The following PATJ variants were observed in gnomAD, a reference collection of about 807,000 sequenced individuals.
The protein encoded by PATJ is PATJ crumbs cell polarity complex component, also known as inaD-like protein.
Under a neutral mutation model 224.9 loss-of-function variants are expected in PATJ, and 190 were observed. The ratio of observed to expected loss-of-function variants is 0.84; its 90% confidence interval spans 0.75 to 0.95. PATJ has a LOEUF of 0.95. Ranked by LOEUF, PATJ falls within the 40% of genes least tolerant of loss-of-function variation. The pLI is 0.00. For synonymous variants in PATJ, 769 were observed against 820.3 expected, an observed-to-expected ratio of 0.94 and a Z score of 1.07; for missense variants, 2,121 against 2,270.3, an observed-to-expected ratio of 0.93 and a Z score of 1.34.
chr1:61,889,222 T>C (rs895846451), intron 22 of PATJ, among the ~76,000 whole-genome samples: 2 of 152,222 alleles, frequency 1.3e-5, no homozygotes, highest in African/African-American at 2.4e-5. Flanking sequence ...TCTACGTGCG[T>C]GTGAGTGCAC....
At chr1:61,822,630 A>G (rs1002908659) in intron 14 of PATJ, among the ~76,000 whole-genome samples, 2 of 152,202 alleles carry the variant, frequency 1.3e-5, no homozygotes, top group Non-Finnish European at 2.9e-5. Context: ...GGAGTCCCAT[A>G]GAAAAGTGAA....
chr1:62,106,156 GTGTATATATATATATATATATA>G (rs1662990032), intron 33 of PATJ, among the ~76,000 whole-genome samples: 2 of 54,870 alleles, frequency 3.6e-5, no homozygotes, highest in South Asian at 1.6e-3. Context: ...GTGTGTGTGT[GTGTATATATATATATATATATA>G]TATATATATG....
intron 27 of PATJ, among the ~76,000 whole-genome samples, chr1:61,931,143 G>C (rs1211093911): frequency 6.6e-6 from 1 of 152,194 alleles, no homozygotes; most frequent in African/African-American, 2.4e-5. Flanking sequence ...AGCATGTTAA[G>C]AGCTGGCTTT....
At chr1:61,842,958 T>A (rs1372648544) in intron 17 of PATJ, among the ~76,000 whole-genome samples, 1 of 152,130 alleles carries the variant, frequency 6.6e-6, no homozygotes, top group Non-Finnish European at 1.5e-5. Context: ...TTGAATCAGA[T>A]TAACAAGTAG....
Position 61,908,520 on chromosome 1 carries a change from ACT to A in PATJ, c.3492+41_3492+42del, listed in dbSNP as rs778570410. ...TCATATTTTCAAAAAGTTTAACAAC[ACT>A]CTGTATACCTGCAGACCAAGCTTTG... On this transcript the variant is annotated intron_variant, in intron 25 of 43. Transcript: ENST00000642238. 5 of 1,291,608 alleles carry A rather than the reference ACT, an allele frequency of 3.9e-6. No individual in the cohort carries two copies. The South Asian group carries it at 6.0e-5, about 15-fold the overall frequency. 80.0% of individuals were successfully genotyped at this position (1,291,608 alleles called of 1,614,324 possible).
intron 27 of PATJ, chr1:61,952,311 G>T: frequency 1.5e-6 from 1 of 666,446 alleles, no homozygotes; most frequent in Non-Finnish European, 2.8e-6. Flanking sequence ...GAAGAGAGAG[G>T]AGTCTGTGGT....
At chr1:61,963,170 T>C (rs1182462140) in intron 27 of PATJ, among the ~76,000 whole-genome samples, 1 of 152,202 alleles carries the variant, frequency 6.6e-6, no homozygotes, top group Admixed American at 6.5e-5. Flanking sequence ...CATATAACTT[T>C]TAAATCTCCC....
chr1:62,158,539 A>G (rs911669306), intron 43 of PATJ, among the ~76,000 whole-genome samples: 1 of 148,302 alleles, frequency 6.7e-6, no homozygotes, highest in African/African-American at 2.4e-5. Flanking sequence ...CTAACACGGT[A>G]AAAAACTCCG....
chr1:62,098,531 G>C (rs1460203374), intron 33 of PATJ, among the ~76,000 whole-genome samples: 2 of 151,824 alleles, frequency 1.3e-5, no homozygotes, highest in Non-Finnish European at 2.9e-5. Context: ...GGAGGTGGAG[G>C]TTTCAGTGAG....
intron 27 of PATJ, among the ~76,000 whole-genome samples, chr1:61,937,731 A>G (rs111259625): frequency 2.7e-5 from 4 of 150,794 alleles, no homozygotes; most frequent in East Asian, 1.9e-4. Flanking sequence ...GCTCACCACA[A>G]CCTCCGCCTC....
chr1:61,762,454 A>G (rs996428860), intron 1 of PATJ, among the ~76,000 whole-genome samples: 18 of 152,182 alleles, frequency 1.2e-4, no homozygotes, highest in Admixed American at 3.3e-4. Context: ...GTAAATAAAA[A>G]TGCTGTAAAC....
At position 62,156,189 on chromosome 1, in the gene PATJ, A is replaced by G. The variant is rs941112564; in HGVS notation, c.5502+2708A>G. Among the ~76,000 whole-genome samples the G allele has an allele frequency of 5.1e-4, 78 of 151,568 alleles. 2 individuals are homozygous for G. Among genetic ancestry groups the G allele is most frequent in the Non-Finnish European group, 4.4e-5 (3 of 67,910 alleles). On this transcript the variant is annotated intron_variant, in intron 43 of 43. Transcript: ENST00000642238. Reference sequence around the variant, plus strand: ...CCAGGAGTTCAAGATCAGCCTGGACAACAAAATGAGATCCCCATCTCTAAA... The same window carrying G: ...CCAGGAGTTCAAGATCAGCCTGGACGACAAAATGAGATCCCCATCTCTAAA...
At chr1:62,031,766 T>C (rs1649347667) in intron 29 of PATJ, among the ~76,000 whole-genome samples, 1 of 152,220 alleles carries the variant, frequency 6.6e-6, no homozygotes, top group Non-Finnish European at 1.5e-5. Context: ...ATTTATAAGC[T>C]GTGTGACTTT....
intron 1 of PATJ, among the ~76,000 whole-genome samples, chr1:61,760,110 C>A (rs1249031302): frequency 6.6e-6 from 1 of 152,096 alleles, no homozygotes; most frequent in Non-Finnish European, 1.5e-5. Context: ...GTCATGACTG[C>A]CCTTTTGTTA....
At chr1:62,099,414 C>A (rs1226837408) in intron 33 of PATJ, among the ~76,000 whole-genome samples, 1 of 99,878 alleles carries the variant, frequency 1.0e-5, no homozygotes, top group African/African-American at 4.2e-5. Context: ...AGGGACTTTT[C>A]CCCTAATGCA....
intron 12 of PATJ, among the ~76,000 whole-genome samples, chr1:61,802,681 A>G (rs1652789234): frequency 6.6e-6 from 1 of 152,176 alleles, no homozygotes; most frequent in African/African-American, 2.4e-5. Flanking sequence ...AAAATTAATA[A>G]TGTATGCATT....
chr1:61,864,111 G>A, intron 19 of PATJ, 127 bp from the exon 20 acceptor site: 1 of 683,408 alleles, frequency 1.5e-6, no homozygotes, highest in Non-Finnish European at 2.5e-6. Context: ...GCTGTGGAGA[G>A]CTGTGCATGT....
At chr1:61,999,006 G>C (rs1224861996) in intron 28 of PATJ, among the ~76,000 whole-genome samples, 1 of 151,964 alleles carries the variant, frequency 6.6e-6, no homozygotes, top group South Asian at 2.1e-4. Flanking sequence ...TCTCTCCAGT[G>C]AGCCAAATTA....
intron 18 of PATJ, among the ~76,000 whole-genome samples, chr1:61,858,194 G>A (rs1405767404): frequency 6.6e-6 from 1 of 152,136 alleles, no homozygotes; most frequent in Non-Finnish European, 1.5e-5. Flanking sequence ...CAAAGTGGGG[G>A]CAGGCACTCG....
Sources: gnomAD v4.1 joint callset for allele counts (sites outside exome capture counted in the v4.1 genomes callset) on GRCh38, gnomAD v4.1.1 for gene constraint, MANE v1.5 for transcripts, NCBI Gene and HGNC (gene_info 2026-07-23, HGNC 2026-07-21) for gene names.